The following LUZP2 variants were observed in gnomAD, a reference collection of about 807,000 sequenced individuals.
LUZP2 encodes the protein leucine zipper protein 2.
In LUZP2, 52 loss-of-function variants were observed where a neutral mutation model predicts 51.6. The observed-to-expected ratio is 1.01, with a 90% CI of 0.81 to 1.27. The LOEUF is 1.27. LUZP2 is among the 50% of genes most tolerant of loss of function. The pLI, the probability that LUZP2 is intolerant of heterozygous loss-of-function variation, is 0.00. For missense variants in LUZP2, 436 were observed against 395.4 expected (o/e 1.10, Z -0.87); for synonymous variants, 154 against 137.3 (o/e 1.12, Z -0.85).
chr11:24,502,818 G>A (rs550271700), intron 1 of LUZP2, among the ~76,000 whole-genome samples: 3 of 152,288 alleles, frequency 2.0e-5, no homozygotes, highest in South Asian at 2.1e-4. Flanking sequence ...TAATTAAAAT[G>A]TAATTGCTAT....
chr11:24,822,337 C>G (rs1362270475), intron 5 of LUZP2, among the ~76,000 whole-genome samples: 1 of 152,042 alleles, frequency 6.6e-6, no homozygotes, highest in East Asian at 1.9e-4. Context: ...TTCTGAGCAC[C>G]AGACATCCCA....
chr11:24,660,558 G>A (rs1465599588), intron 1 of LUZP2, among the ~76,000 whole-genome samples: 1 of 152,012 alleles, frequency 6.6e-6, no homozygotes, highest in African/African-American at 2.4e-5. Context: ...TTCTACCCAT[G>A]GATTGCTTGG....
At chr11:24,989,105 A>G (rs1312916063) in intron 9 of LUZP2, among the ~76,000 whole-genome samples, 2 of 149,404 alleles carry the variant, frequency 1.3e-5, no homozygotes, top group Non-Finnish European at 3.0e-5. Flanking sequence ...TGCAGTTAAA[A>G]AAAAAAAAAA....
chr11:24,974,366 A>G (rs1244748518), intron 7 of LUZP2, among the ~76,000 whole-genome samples: 2 of 151,974 alleles, frequency 1.3e-5, no homozygotes, highest in Admixed American at 6.6e-5. Flanking sequence ...CAGCATATGG[A>G]TGGGTCTTGA....
intron 7 of LUZP2, among the ~76,000 whole-genome samples, chr11:24,973,587 A>C (rs1033803725): frequency 6.6e-6 from 1 of 151,596 alleles, no homozygotes; most frequent in Admixed American, 6.6e-5. Flanking sequence ...TGGTGCTATA[A>C]ATTTCCTTCT....
rs539029116 is a variant in LUZP2, at chr11:24,738,558, G to T, written c.333+256G>T. ...GAATGAGAAACTAAAGGACAGAGTG[G>T]GACAAGAGTTCTGGTGTCAGGGCTT... On this transcript the variant is annotated intron_variant, in intron 4 of 11. Transcript: ENST00000336930. 9.5e-4 allele frequency among the ~76,000 whole-genome samples: 144 copies of T among 152,064 alleles called. 2 individuals carry two copies. Among genetic ancestry groups the T allele is most frequent in the Non-Finnish European group, 1.5e-3 (99 of 67,958 alleles).
At chr11:24,880,087 G>T (rs1852411732) in intron 5 of LUZP2, among the ~76,000 whole-genome samples, 1 of 152,142 alleles carries the variant, frequency 6.6e-6, no homozygotes, top group Non-Finnish European at 1.5e-5. Flanking sequence ...GAGCCCCAAA[G>T]CACTTTAGGC....
intron 1 of LUZP2, among the ~76,000 whole-genome samples, chr11:24,522,284 C>T (rs1246847000): frequency 1.3e-5 from 2 of 151,952 alleles, no homozygotes; most frequent in East Asian, 1.9e-4. Context: ...ATTTCTGAAA[C>T]TAATTCTAAA....
chr11:24,771,486 G>A (rs939686376), intron 5 of LUZP2, among the ~76,000 whole-genome samples: 2 of 150,010 alleles, frequency 1.3e-5, no homozygotes, highest in African/African-American at 2.5e-5. Context: ...ACCTTCCATA[G>A]CACATCATAG....
intron 5 of LUZP2, among the ~76,000 whole-genome samples, chr11:24,905,361 C>G (rs1853413821): frequency 2.6e-5 from 4 of 152,024 alleles, no homozygotes; most frequent in Admixed American, 2.6e-4. Context: ...CTCATCTCTA[C>G]TTAAAATACA....
chr11:24,672,148 A>G, intron 1 of LUZP2, among the ~76,000 whole-genome samples: 1 of 152,252 alleles, frequency 6.6e-6, no homozygotes, highest in East Asian at 1.9e-4. Flanking sequence ...GCTAGGAAAT[A>G]CTTATATTAT....
chr11:24,843,043 A>G (rs531404364), intron 5 of LUZP2, among the ~76,000 whole-genome samples: 5 of 152,062 alleles, frequency 3.3e-5, no homozygotes, highest in African/African-American at 1.2e-4. Context: ...ATTATTAATG[A>G]AAAAGAGGAT....
Position 25,029,804 on chromosome 11 carries a change from C to G in LUZP2, c.766-20234C>G, listed in dbSNP as rs1339306932. Among the ~76,000 whole-genome samples the G allele has an allele frequency of 3.1e-5, 3 of 95,700 alleles. No homozygotes were observed. The East Asian group carries it at 6.2e-4, about 20-fold the overall frequency. The allele number at this position is 95,700 out of a possible 152,430, so 62.8% of individuals were successfully genotyped here. ...GTACCTTACATTTTATTTTTTCTCT[C>G]ATAAAATTTGCTTTACATATACACA... On this transcript the variant is annotated intron_variant, in intron 9 of 11. Transcript: ENST00000336930.
At chr11:24,765,470 A>G (rs1328595800) in intron 5 of LUZP2, among the ~76,000 whole-genome samples, 1 of 152,068 alleles carries the variant, frequency 6.6e-6, no homozygotes, top group Non-Finnish European at 1.5e-5. Context: ...TCATAAAGGG[A>G]TCCTGGATTT....
At chr11:24,709,342 ACAT>A (rs1364821628) in intron 1 of LUZP2, among the ~76,000 whole-genome samples, 1 of 152,176 alleles carries the variant, frequency 6.6e-6, no homozygotes, top group East Asian at 1.9e-4. Context: ...TTGGGCCTAC[ACAT>A]CATTCTCAAG....
intron 5 of LUZP2, among the ~76,000 whole-genome samples, chr11:24,826,162 C>G (rs1229805057): frequency 1.1e-5 from 1 of 92,884 alleles, no homozygotes; most frequent in Admixed American, 1.5e-4. Context: ...GGCGACAGAG[C>G]GAGACTCCAT....
chr11:24,536,351 A>G (rs1851177910), intron 1 of LUZP2, among the ~76,000 whole-genome samples: 1 of 151,792 alleles, frequency 6.6e-6, no homozygotes. Context: ...CCTCAGTAGC[A>G]TTTTCTTCTA....
intron 5 of LUZP2, among the ~76,000 whole-genome samples, chr11:24,792,951 A>T (rs1849447187): frequency 6.6e-6 from 1 of 152,142 alleles, no homozygotes; most frequent in African/African-American, 2.4e-5. Flanking sequence ...TCACCAAAAG[A>T]TCTTCTAGCT....
At chr11:24,734,709 G>A (rs1055574578) in intron 3 of LUZP2, among the ~76,000 whole-genome samples, 2 of 151,926 alleles carry the variant, frequency 1.3e-5, no homozygotes, top group Admixed American at 1.3e-4. Context: ...AAGAGACTGT[G>A]TGTCTCATTT....
Sources: allele counts gnomAD v4.1 joint callset (sites outside exome capture counted in the v4.1 genomes callset), GRCh38; gene constraint gnomAD v4.1.1; transcripts MANE v1.5; gene names NCBI Gene and HGNC (gene_info 2026-07-23, HGNC 2026-07-21).